TMEM132D: variants seen among roughly 807,000 people sequenced by gnomAD.
The protein encoded by TMEM132D is transmembrane protein 132D.
Under a neutral mutation model 62.3 loss-of-function variants are expected in TMEM132D, and 21 were observed. The observed-to-expected ratio is 0.34, with a 90% CI of 0.24 to 0.49. The LOEUF (loss-of-function observed/expected upper bound fraction) is 0.49, where lower values mean the gene tolerates loss of function less well. TMEM132D is among the 20% of genes least tolerant of loss of function. The pLI is 0.99. For synonymous variants in TMEM132D, 621 were observed against 575.6 expected (o/e 1.08, Z -1.13); for missense variants, 1,346 against 1,402.8 (o/e 0.96, Z 0.65).
rs901322399 is a variant in TMEM132D, at chr12:129,102,960, A to G, written c.1444-18258T>C. ...GAGTGTGGCAGCACAGGGGAACAACAATTATTGAATTTTGTTTTGTAGAAA... is the reference window on the plus strand; with the variant it reads ...GAGTGTGGCAGCACAGGGGAACAACGATTATTGAATTTTGTTTTGTAGAAA... On this transcript the variant is annotated intron_variant, in intron 5 of 8. Coordinates refer to ENST00000422113, the MANE Select transcript of TMEM132D (RefSeq NM_133448.3). 2.0e-5 allele frequency among the ~76,000 whole-genome samples: 3 copies of G among 152,282 alleles called. No homozygotes were observed. The East Asian group carries it at 5.8e-4, about 29-fold the overall frequency.
At chr12:129,778,418 C>T (rs1314763779) in intron 1 of TMEM132D, among the ~76,000 whole-genome samples, 13 of 152,060 alleles carry the variant, frequency 8.5e-5, no homozygotes, top group Admixed American at 8.5e-4. Flanking sequence ...AACGCAGCTG[C>T]CGATGGACAA....
chr12:129,147,274 A>ATATATATACATGTGCATATGTG (rs1876933687), intron 5 of TMEM132D, among the ~76,000 whole-genome samples: 1 of 150,106 alleles, frequency 6.7e-6, no homozygotes, highest in Non-Finnish European at 1.5e-5. Context: ...GTGCATATGT[A>ATATATATACATGTGCATATGTG]TATATATACA....
At chr12:129,501,499 T>G (rs953917914) in intron 3 of TMEM132D, among the ~76,000 whole-genome samples, 11 of 152,148 alleles carry the variant, frequency 7.2e-5, no homozygotes, top group African/African-American at 2.7e-4. Flanking sequence ...AACAGCAGAT[T>G]TTTTTAATTT....
intron 2 of TMEM132D, among the ~76,000 whole-genome samples, chr12:129,550,237 T>C (rs2137105077): frequency 6.6e-6 from 1 of 152,240 alleles, no homozygotes; most frequent in African/African-American, 2.4e-5. Flanking sequence ...TACTGGTATT[T>C]TTTTTTCTAT....
chr12:129,510,499 C>T (rs1354419605), intron 3 of TMEM132D, among the ~76,000 whole-genome samples: 1 of 152,004 alleles, frequency 6.6e-6, no homozygotes, highest in Admixed American at 6.6e-5. Context: ...TTTGCTTTGG[C>T]GTGTGTGCTT....
At chr12:129,233,463 G>C (rs568722074) in intron 4 of TMEM132D, among the ~76,000 whole-genome samples, 1 of 152,158 alleles carries the variant, frequency 6.6e-6, no homozygotes, top group Non-Finnish European at 1.5e-5. Context: ...ATGATAAGAT[G>C]TATTTTTGGT....
At chr12:129,719,989 G>C (rs767339080) in intron 1 of TMEM132D, among the ~76,000 whole-genome samples, 1 of 151,566 alleles carries the variant, frequency 6.6e-6, no homozygotes, top group Non-Finnish European at 1.5e-5. Context: ...AATCTCAAGC[G>C]GGCCATTAAA....
chr12:129,391,851 G>A (rs1467071283), intron 3 of TMEM132D, among the ~76,000 whole-genome samples: 1 of 152,058 alleles, frequency 6.6e-6, no homozygotes, highest in Non-Finnish European at 1.5e-5. Flanking sequence ...CTGCCTCCCG[G>A]GTTCAAGTGA....
chr12:129,626,657 A>G (rs1156956147), intron 2 of TMEM132D, among the ~76,000 whole-genome samples: 1 of 152,070 alleles, frequency 6.6e-6, no homozygotes, highest in Non-Finnish European at 1.5e-5. Context: ...GGGTTTCACC[A>G]TGTTGGCTAG....
chr12:129,662,577 G>A (rs113249866), intron 2 of TMEM132D, among the ~76,000 whole-genome samples: 11 of 152,198 alleles, frequency 7.2e-5, no homozygotes, highest in East Asian at 1.9e-4. Flanking sequence ...GGCGGATCAC[G>A]AGGTCAAGAG....
At chr12:129,094,532 A>G (rs1048959434) in intron 5 of TMEM132D, among the ~76,000 whole-genome samples, 2 of 152,192 alleles carry the variant, frequency 1.3e-5, no homozygotes, top group Non-Finnish European at 1.5e-5. Context: ...TCAAGAAACA[A>G]CAGGTGCTGG....
intron 3 of TMEM132D, among the ~76,000 whole-genome samples, chr12:129,418,972 C>A (rs529191384): frequency 6.6e-6 from 1 of 152,254 alleles, no homozygotes; most frequent in South Asian, 2.1e-4. Context: ...GGCTGCCCCA[C>A]CGCAGCCTGA....
At chr12:129,506,631 G>A (rs1825389) in intron 3 of TMEM132D, among the ~76,000 whole-genome samples, 16,663 of 152,138 alleles carry the variant, frequency 0.11, 1,234 homozygotes, top group African/African-American at 0.2. Flanking sequence ...TTTAACAAAT[G>A]GTGCTGGGAT....
rs1442371253 is a variant in TMEM132D at position 129,120,812 on chromosome 12, T to C, written c.1444-36110A>G. On this transcript the variant is annotated intron_variant, in intron 5 of 8. Coordinates refer to ENST00000422113, the MANE Select transcript of TMEM132D (RefSeq NM_133448.3). ...ACAGTTTTTTCAAATTATTTTTTAA[T>C]TTACACACAGTGCAGTTCATTTTTT... Among the ~76,000 whole-genome samples, 3 of 152,188 alleles carry C rather than the reference T, an allele frequency of 2.0e-5. No individual in the cohort carries two copies. The East Asian group carries it at 5.8e-4, about 29-fold the overall frequency.
intron 5 of TMEM132D, among the ~76,000 whole-genome samples, chr12:129,140,663 A>C (rs1593274374): frequency 1.3e-5 from 2 of 152,022 alleles, no homozygotes; most frequent in East Asian, 1.9e-4. Flanking sequence ...ACATGGTGAA[A>C]TCCTGTCTCT....
intron 1 of TMEM132D, among the ~76,000 whole-genome samples, chr12:129,768,466 TA>T (rs112659485): frequency 6.6e-6 from 1 of 151,486 alleles, no homozygotes; most frequent in Non-Finnish European, 1.5e-5. Context: ...GACGGTTCCT[TA>T]AAAATTTAAG....
chr12:129,688,871 T>C (rs1259953742), intron 2 of TMEM132D, among the ~76,000 whole-genome samples: 1 of 152,216 alleles, frequency 6.6e-6, no homozygotes, highest in Middle Eastern at 3.2e-3. Context: ...CCTTCCTCTA[T>C]GCAAGAGGTG....
intron 2 of TMEM132D, among the ~76,000 whole-genome samples, chr12:129,646,184 C>T (rs1019165818): frequency 6.6e-6 from 1 of 152,208 alleles, no homozygotes; most frequent in African/African-American, 2.4e-5. Context: ...CCTTGGGGAA[C>T]TTTGGCTTAT....
chr12:129,801,848 C>G (rs1871798487), intron 1 of TMEM132D, among the ~76,000 whole-genome samples: 1 of 150,454 alleles, frequency 6.6e-6, no homozygotes, highest in South Asian at 2.1e-4. Context: ...CTTAAAGGAG[C>G]TGATGGAGCT....
Sources: gnomAD v4.1 joint callset for allele counts (sites outside exome capture counted in the v4.1 genomes callset) on GRCh38, gnomAD v4.1.1 for gene constraint, MANE v1.5 for transcripts, NCBI Gene and HGNC (gene_info 2026-07-23, HGNC 2026-07-21) for gene names.